The following MYO5C variants were observed in gnomAD, a reference collection of about 807,000 sequenced individuals.
The protein encoded by MYO5C is myosin VC.
MYO5C carries 194 observed loss-of-function variants against 235.7 expected under a neutral mutation model. The ratio of observed to expected loss-of-function variants is 0.82; its 90% CI spans 0.73 to 0.93. MYO5C has a LOEUF of 0.93. Ranked by LOEUF, MYO5C falls within the 40% of genes least tolerant of loss-of-function variation. The pLI is 0.00. For synonymous variants in MYO5C, 707 were observed against 754.8 expected, an observed-to-expected ratio of 0.94 and a Z score of 1.04; for missense variants, 2,038 against 2,127.2, an observed-to-expected ratio of 0.96 and a Z score of 0.82.
At position 52,282,906 on chromosome 15, in the gene MYO5C, T is replaced by G. The variant is rs763055512; in HGVS notation, c.28-14A>C. The stretch of plus-strand genomic sequence containing the variant: ...GACCCTGTTGTACTGACCAACAGGA[T>G]GAGAAAAGCTGAATTTCAGGACTTC... On this transcript the variant is annotated splice_polypyrimidine_tract_variant and intron_variant, in intron 1 of 40. Transcript: ENST00000261839. The G allele has an allele frequency of 6.5e-7, 1 of 1,546,992 alleles. No homozygotes were observed. The highest frequency in any genetic ancestry group is 1.4e-5 in the African/African-American group (1 of 73,584).
chr15:52,257,035 G>C (rs1051054202), intron 10 of MYO5C: 1 of 212,404 alleles, frequency 4.7e-6, no homozygotes, highest in African/African-American at 2.3e-5. Context: ...TGACTTTATA[G>C]GTCAGAAAAT....
At position 52,256,722 on chromosome 15, in the gene MYO5C, T is replaced by A. The variant is rs753327043; in HGVS notation, c.1314-2A>T. On this transcript the variant is annotated splice_acceptor_variant, in intron 10 of 40. Coordinates refer to ENST00000261839, the MANE Select transcript of MYO5C (RefSeq NM_018728.4). LOFTEE classifies it high-confidence loss of function. ...CTGTTCACATCAAAGGTTTCAAAAC[T>A]GAAATACAATTTAAACAAGTTAAAA... 3.1e-6 allele frequency: 5 copies of A among 1,608,736 alleles called. No homozygotes were observed. The highest frequency in any genetic ancestry group is 4.3e-6 in the Non-Finnish European group (5 of 1,175,876).
intron 25 of MYO5C, 86 bp downstream of exon 25, chr15:52,229,047 C>T (rs552182126): frequency 6.6e-7 from 1 of 1,523,280 alleles, no homozygotes; most frequent in South Asian, 1.2e-5. Context: ...TACACAGATG[C>T]TTTTAGCTGT....
chr15:52,211,775 C>T lies in MYO5C; in HGVS notation c.4251G>A (p.Lys1417=). 1 of 1,614,186 alleles carries T rather than the reference C, an allele frequency of 6.2e-7. No individual in the cohort carries two copies. Among genetic ancestry groups the T allele is most frequent in the East Asian group, 2.2e-5 (1 of 44,888 alleles). ...ADSLNDANML[K]SLMNSTINGI... is the part of the protein sequence containing the mutation. ...CATTAATGGTGCTGTTCATGAGGGACTTCAGCATGTTGGCATCATTCAGAG... is the reference window on the plus strand; with the variant it reads ...CATTAATGGTGCTGTTCATGAGGGATTTCAGCATGTTGGCATCATTCAGAG... The change falls in exon 35 of 41, where the codon AAG becomes AAA. Residue 1417 remains lysine, a synonymous_variant. Transcript: ENST00000261839.
chr15:52,218,462 C>A, intron 32 of MYO5C, 57 bp downstream of exon 32: 2 of 1,546,726 alleles, frequency 1.3e-6, no homozygotes, highest in East Asian at 2.2e-5. Context: ...CATGTCCCCC[C>A]TTTCAGCAAC....
chr15:52,201,546 G>A (rs2035187342), intron 38 of MYO5C, among the ~76,000 whole-genome samples: 1 of 152,080 alleles, frequency 6.6e-6, no homozygotes, highest in Admixed American at 6.5e-5. Flanking sequence ...TCAGGCAGAA[G>A]GAAAATTATA....
chr15:52,248,776 T>C lies in MYO5C; in HGVS notation c.1670A>G (p.Tyr557Cys). Residue 557 changes from tyrosine (Y) to cysteine (C), a missense_variant, in exon 14 of 41, where the codon TAT becomes TGT. Coordinates refer to ENST00000261839, the MANE Select transcript of MYO5C (RefSeq NM_018728.4). ...TTTCTCCAGGAAACCTTCACATTTATACTCTACCTATACAGAGAAAGCAAT... is the reference window on the plus strand; with the variant it reads ...TTTCTCCAGGAAACCTTCACATTTACACTCTACCTATACAGAGAAAGCAAT... Reference protein sequence around the residue: ...VIQHFADKVEYKCEGFLEKNR... With the variant: ...VIQHFADKVECKCEGFLEKNR... 1 of 1,611,688 alleles carries C rather than the reference T, an allele frequency of 6.2e-7. No individual in the cohort carries two copies. Among genetic ancestry groups the C allele is most frequent in the Non-Finnish European group, 8.5e-7 (1 of 1,177,732 alleles).
chr15:52,273,334 A>G (rs765675552), intron 5 of MYO5C, among the ~76,000 whole-genome samples: 7 of 152,166 alleles, frequency 4.6e-5, no homozygotes, highest in Non-Finnish European at 8.8e-5. Context: ...AAAACAGACA[A>G]ACAAAAAAGT....
chr15:52,238,787 G>T (rs1012212267), intron 21 of MYO5C, among the ~76,000 whole-genome samples: 2 of 142,298 alleles, frequency 1.4e-5, no homozygotes, highest in Non-Finnish European at 3.1e-5. Context: ...GACTACAGGC[G>T]CCCGCCACCA....
chr15:52,270,581 C>T (rs1461994544), intron 7 of MYO5C, among the ~76,000 whole-genome samples: 1 of 150,040 alleles, frequency 6.7e-6, no homozygotes, highest in Non-Finnish European at 1.5e-5. Flanking sequence ...TCTCTCTCTA[C>T]ATATATATGT....
At chr15:52,205,541 A>G in intron 37 of MYO5C, 1 of 335,906 alleles carries the variant, frequency 3.0e-6, no homozygotes, top group Non-Finnish European at 5.4e-6. Flanking sequence ...GCCAAGAAGT[A>G]GAAGTACCAC....
At chr15:52,264,089 G>C (rs2036750890) in intron 9 of MYO5C, 101 bp downstream of exon 9, 1 of 834,900 alleles carries the variant, frequency 1.2e-6, no homozygotes, top group South Asian at 1.8e-5. Context: ...TACCCAGGAG[G>C]CCGACTATAT....
Position 52,239,776 on chromosome 15 carries a change from A to C in MYO5C, c.2660T>G (p.Leu887Arg). ...CTGCAAACGCTGGACCCTGTAAGTA[A>C]GCTGAATATTAAGCACGAATCGTCG... ...SIRRFVLNIQ[L>R]TYRVQRLQKK... The change falls in exon 21 of 41, where the codon CTT becomes CGT. Residue 887 changes from leucine to arginine, a missense_variant. Leu to Arg is a moderately radical substitution (Grantham distance 102). Transcript: ENST00000261839. 1 of 1,613,110 alleles carries C rather than the reference A, an allele frequency of 6.2e-7. No individual in the cohort carries two copies. Among genetic ancestry groups the C allele is most frequent in the Non-Finnish European group, 8.5e-7 (1 of 1,179,394 alleles).
At chr15:52,251,188 AC>A in intron 13 of MYO5C, 1 of 383,186 alleles carries the variant, frequency 2.6e-6, no homozygotes, top group Non-Finnish European at 4.6e-6. Context: ...TCTTCTAACA[AC>A]ACATTCGTCT....
At chr15:52,268,187 C>T (rs1274034804) in intron 8 of MYO5C, among the ~76,000 whole-genome samples, 3 of 152,154 alleles carry the variant, frequency 2.0e-5, no homozygotes, top group African/African-American at 4.8e-5. Context: ...TTTTTACATT[C>T]AGATACAGTC....
chr15:52,222,341 C>T (rs2035708302), intron 29 of MYO5C, among the ~76,000 whole-genome samples: 1 of 152,282 alleles, frequency 6.6e-6, no homozygotes, highest in Non-Finnish European at 1.5e-5. Context: ...TCCCTGTGTC[C>T]ACCCCTGGTC....
intron 3 of MYO5C, 130 bp from the exon 4 acceptor site, chr15:52,279,147 C>A (rs1051489872): frequency 2.0e-5 from 19 of 947,100 alleles, no homozygotes; most frequent in Non-Finnish European, 3.0e-5. Context: ...AGTCACTTCA[C>A]GCACTGAATT....
chr15:52,272,435 A>T (rs1017745512), intron 6 of MYO5C, 145 bp downstream of exon 6: 9 of 756,766 alleles, frequency 1.2e-5, no homozygotes, highest in African/African-American at 1.1e-4. Context: ...TAATAAACAG[A>T]AAAAAGAATC....
At chr15:52,226,015 A>G (rs975965191) in intron 25 of MYO5C, among the ~76,000 whole-genome samples, 3 of 150,716 alleles carry the variant, frequency 2.0e-5, no homozygotes, top group Admixed American at 1.3e-4. Context: ...GCACCATTGC[A>G]CTCCAGCCTG....
Sources: gnomAD v4.1 joint callset for allele counts (sites outside exome capture counted in the v4.1 genomes callset) on GRCh38, gnomAD v4.1.1 for gene constraint, MANE v1.5 for transcripts, NCBI Gene and HGNC (gene_info 2026-07-23, HGNC 2026-07-21) for gene names.